CHN2: variants seen among roughly 807,000 people sequenced by gnomAD.
CHN2 encodes the protein beta-chimaerin.
Under a neutral mutation model 56.3 loss-of-function variants are expected in CHN2, and 35 were observed. The ratio of observed to expected loss-of-function variants is 0.62; its 90% CI spans 0.47 to 0.82. The LOEUF is 0.82. Ranked by LOEUF, CHN2 falls within the 40% of genes least tolerant of loss-of-function variation. CHN2 has a pLI of 0.00. For missense variants in CHN2, 491 were observed against 580.5 expected, an observed-to-expected ratio of 0.85 and a Z score of 1.58; for synonymous variants, 210 against 212.8, an observed-to-expected ratio of 0.99 and a Z score of 0.12.
intron 1 of CHN2, among the ~76,000 whole-genome samples, chr7:29,259,982 A>AT (rs1789409152): frequency 1.3e-5 from 2 of 151,782 alleles, no homozygotes; most frequent in East Asian, 1.9e-4. Context: ...CTTCTATCTA[A>AT]TTTTTTTTCT....
At chr7:29,436,069 T>A (rs1340824527) in intron 6 of CHN2, among the ~76,000 whole-genome samples, 1 of 152,142 alleles carries the variant, frequency 6.6e-6, no homozygotes, top group Admixed American at 6.5e-5. Flanking sequence ...AAATGCAGCA[T>A]GCATGGCAAG....
Position 29,499,990 on chromosome 7 carries a change from C to G in CHN2, c.863C>G (p.Thr288Ser). 6.3e-7 allele frequency: 1 copy of G among 1,599,994 alleles called. No individual in the cohort carries two copies. Among genetic ancestry groups the G allele is most frequent in the Non-Finnish European group, 8.5e-7 (1 of 1,173,716 alleles). The change falls in exon 9 of 13, where the codon ACT becomes AGT. Residue 288 changes from threonine to serine, a missense_variant. Thr to Ser is a moderately conservative substitution (Grantham distance 58, BLOSUM62 1). Coordinates refer to ENST00000222792, the MANE Select transcript of CHN2 (RefSeq NM_004067.4). ...DLTTLVKAHNTQRPMVVDICI... is the reference protein window; with the variant it reads ...DLTTLVKAHNSQRPMVVDICI... ...ACAACACTTGTGAAGGCTCACAACA[C>G]TCAGAGACCCATGGTGGTAGACATA...
chr7:29,194,691 C>T (rs1231346809), upstream of CHN2: 1 of 391,862 alleles, frequency 2.6e-6, no homozygotes, highest in Non-Finnish European at 4.5e-6. Flanking sequence ...CCCACCTACC[C>T]CCTGACACCC....
chr7:29,475,522 C>A (rs1427883987), intron 6 of CHN2, among the ~76,000 whole-genome samples: 4 of 152,072 alleles, frequency 2.6e-5, no homozygotes, highest in African/African-American at 9.7e-5. Context: ...TTAGTGTATA[C>A]CCAAAAGAAT....
intron 1 of CHN2, among the ~76,000 whole-genome samples, chr7:29,306,660 G>T (rs546214993): frequency 3.2e-4 from 49 of 152,210 alleles, no homozygotes; most frequent in Non-Finnish European, 3.7e-4. Flanking sequence ...AGGGAATCTT[G>T]TGTTCAAGGT....
intron 6 of CHN2, among the ~76,000 whole-genome samples, chr7:29,436,596 T>C (rs1783243759): frequency 6.6e-6 from 1 of 152,164 alleles, no homozygotes; most frequent in Non-Finnish European, 1.5e-5. Flanking sequence ...TGATTCTTAA[T>C]GGCATTTGGT....
chr7:29,204,015 A>G (rs905664735), intron 1 of CHN2, among the ~76,000 whole-genome samples: 2 of 151,916 alleles, frequency 1.3e-5, no homozygotes, highest in African/African-American at 4.8e-5. Context: ...CTGCAATGCT[A>G]TGAAGTTGGA....
At position 29,502,741 on chromosome 7, in the gene CHN2, A is replaced by ATT. The variant is rs997639176; in HGVS notation, c.914-1993_914-1992dup. Among the ~76,000 whole-genome samples the ATT allele has an allele frequency of 2.7e-5, 4 of 146,612 alleles. No homozygotes were observed. The South Asian group carries it at 6.3e-4, about 23-fold the overall frequency. On this transcript the variant is annotated intron_variant, in intron 9 of 12. Coordinates refer to ENST00000222792, the MANE Select transcript of CHN2 (RefSeq NM_004067.4). ...ACTTGGCATATTATATAAGGCATAG[A>ATT]TTTTTTTTTTTAAAAGTGACGGGAT...
At chr7:29,475,390 T>C (rs1786503928) in intron 6 of CHN2, among the ~76,000 whole-genome samples, 1 of 152,228 alleles carries the variant, frequency 6.6e-6, no homozygotes, top group Non-Finnish European at 1.5e-5. Context: ...ACACCAGACC[T>C]GCTAGTCGTT....
intron 6 of CHN2, among the ~76,000 whole-genome samples, chr7:29,411,601 G>A (rs539254231): frequency 6.6e-6 from 1 of 152,300 alleles, no homozygotes; most frequent in Non-Finnish European, 1.5e-5. Flanking sequence ...TGACCATGTG[G>A]TCAAGTCAGA....
intron 1 of CHN2, among the ~76,000 whole-genome samples, chr7:29,290,880 A>T (rs1478917837): frequency 6.6e-6 from 1 of 152,154 alleles, no homozygotes; most frequent in Non-Finnish European, 1.5e-5. Flanking sequence ...TTAGAACAGG[A>T]ACAAAAGGAA....
intron 6 of CHN2, among the ~76,000 whole-genome samples, chr7:29,461,909 C>G (rs1309993908): frequency 6.6e-6 from 1 of 152,036 alleles, no homozygotes; most frequent in Non-Finnish European, 1.5e-5. Flanking sequence ...ACAGCAGTGT[C>G]TCATACATAC....
chr7:29,259,636 C>T (rs1263496560), intron 1 of CHN2, among the ~76,000 whole-genome samples: 1 of 151,924 alleles, frequency 6.6e-6, no homozygotes, highest in East Asian at 1.9e-4. Flanking sequence ...ATTCTGGGGA[C>T]CTAACATATA....
intron 6 of CHN2, among the ~76,000 whole-genome samples, chr7:29,421,979 G>A (rs1220780227): frequency 6.6e-6 from 1 of 152,046 alleles, no homozygotes; most frequent in Non-Finnish European, 1.5e-5. Context: ...TATTAACATG[G>A]GAATCACCGA....
chr7:29,330,197 A>G (rs1796115324), intron 1 of CHN2, among the ~76,000 whole-genome samples: 1 of 152,240 alleles, frequency 6.6e-6, no homozygotes, highest in Non-Finnish European at 1.5e-5. Flanking sequence ...TCCTAAAGTC[A>G]TCTTGAAATG....
intron 1 of CHN2, among the ~76,000 whole-genome samples, chr7:29,249,007 T>G (rs1788286585): frequency 6.6e-6 from 1 of 152,162 alleles, no homozygotes; most frequent in Admixed American, 6.5e-5. Context: ...AAGTTCTTCT[T>G]TTGCCCCTGT....
chr7:29,427,841 G>A (rs1166813698), intron 6 of CHN2, among the ~76,000 whole-genome samples: 1 of 151,840 alleles, frequency 6.6e-6, no homozygotes, highest in East Asian at 1.9e-4. Flanking sequence ...ATTTTTAGTA[G>A]AGACAGGGTT....
chr7:29,463,171 C>G (rs560798703), intron 6 of CHN2, among the ~76,000 whole-genome samples: 1 of 152,158 alleles, frequency 6.6e-6, no homozygotes, highest in East Asian at 1.9e-4. Flanking sequence ...GAACCAGGTC[C>G]CCAGCCTCCC....
At chr7:29,309,827 G>A (rs941762551) in intron 1 of CHN2, among the ~76,000 whole-genome samples, 2 of 152,216 alleles carry the variant, frequency 1.3e-5, no homozygotes, top group Non-Finnish European at 2.9e-5. Flanking sequence ...CTCATCTCCT[G>A]CAGGTGAGGG....
Sources: allele counts gnomAD v4.1 joint callset (sites outside exome capture counted in the v4.1 genomes callset), GRCh38; gene constraint gnomAD v4.1.1; transcripts MANE v1.5; gene names NCBI Gene and HGNC (gene_info 2026-07-23, HGNC 2026-07-21).